The following ALPK1 variants were observed in gnomAD, a reference collection of about 807,000 sequenced individuals.
The protein encoded by ALPK1 is alpha-protein kinase 1.
Under a neutral mutation model 120.6 loss-of-function variants are expected in ALPK1, and 110 were observed. That is an observed-to-expected ratio of 0.91 (90% CI 0.78 to 1.07). The LOEUF (loss-of-function observed/expected upper bound fraction) is 1.07, where lower values mean the gene tolerates loss of function less well. Among genes scored for constraint, ALPK1 ranks in the 50% least tolerant of loss-of-function variants. ALPK1 has a pLI of 0.00. For missense variants in ALPK1, 1,498 were observed against 1,483.9 expected (o/e 1.01, Z -0.16); for synonymous variants, 582 against 560.3 (o/e 1.04, Z -0.55).
chr4:112,351,794 A>G (rs746258519), intron 2 of ALPK1, among the ~76,000 whole-genome samples: 1 of 152,212 alleles, frequency 6.6e-6, no homozygotes, highest in Non-Finnish European at 1.5e-5. Flanking sequence ...TTTTCTATGT[A>G]AATAGAATGA....
At chr4:112,381,285 G>A (rs1731893976) in intron 3 of ALPK1, among the ~76,000 whole-genome samples, 1 of 152,144 alleles carries the variant, frequency 6.6e-6, no homozygotes, top group Non-Finnish European at 1.5e-5. Context: ...CTGACTCCTG[G>A]GTTTCAGATT....
rs762292079 is a variant in ALPK1, at chr4:112,427,694, C to T, written c.795+29C>T. ...ATTATCATAACACTGAGTGGCATCA[C>T]CTGTAAAATTGTCAATCGTGTCCTT... On this transcript the variant is annotated intron_variant, in intron 9 of 15. Transcript: ENST00000650871. 7 of 1,518,458 alleles carry T rather than the reference C, an allele frequency of 4.6e-6. No homozygotes were observed. In the South Asian group the frequency reaches 6.8e-5, roughly 15 times the overall value. 94.1% of individuals were successfully genotyped at this position (1,518,458 alleles called of 1,614,324 possible). A position where few individuals can be genotyped will look rare whatever the true frequency, so the allele number is the denominator to read the frequency against.
At chr4:112,364,687 T>C (rs1731063191) in intron 2 of ALPK1, among the ~76,000 whole-genome samples, 2 of 152,046 alleles carry the variant, frequency 1.3e-5, no homozygotes, top group Non-Finnish European at 2.9e-5. Context: ...AAAGAGGGAA[T>C]CTTCCCTAAA....
At chr4:112,410,507 G>C (rs1456607396) in intron 4 of ALPK1, among the ~76,000 whole-genome samples, 1 of 152,230 alleles carries the variant, frequency 6.6e-6, no homozygotes, top group Non-Finnish European at 1.5e-5. Context: ...GGATTATGTG[G>C]TGATGAAAGC....
At chr4:112,438,725 A>G (rs1734897288) in intron 13 of ALPK1, 79 bp downstream of exon 13, 1 of 1,503,762 alleles carries the variant, frequency 6.6e-7, no homozygotes, top group Non-Finnish European at 9.1e-7. Flanking sequence ...CTGGTTCCAC[A>G]TAATCAGGCT....
intron 12 of ALPK1, among the ~76,000 whole-genome samples, chr4:112,436,224 A>T (rs1734782995): frequency 1.3e-5 from 2 of 152,224 alleles, no homozygotes; most frequent in Admixed American, 1.3e-4. Flanking sequence ...TAGTAAACAT[A>T]TGCCAGGTCC....
At chr4:112,401,433 A>C (rs1261822592) in intron 4 of ALPK1, among the ~76,000 whole-genome samples, 1 of 152,224 alleles carries the variant, frequency 6.6e-6, no homozygotes, top group African/African-American at 2.4e-5. Flanking sequence ...TGCAATGCTT[A>C]AATTGAGATT....
chr4:112,435,232 T>A lies in ALPK1; in HGVS notation c.3119T>A (p.Val1040Glu). 1 of 1,613,646 alleles carries A rather than the reference T, an allele frequency of 6.2e-7. No individual in the cohort carries two copies. The highest frequency in any genetic ancestry group is 8.5e-7 in the Non-Finnish European group (1 of 1,179,856). The stretch of plus-strand genomic sequence containing the variant: ...GTCTATTTGGGGGACTACTTGACTG[T>A]GAAGAAAAAAGGCAGACAAAGAAAT... ...TIVYLGDYLT[V>E]KKKGRQRNAF... The change falls in exon 12 of 16, where the codon GTG becomes GAG. Residue 1040 changes from valine (V) to glutamate (E), a missense_variant. Val to Glu is a moderately radical substitution (Grantham distance 121). Transcript: ENST00000650871.
At chr4:112,377,635 T>A in intron 2 of ALPK1, 43 bp from the exon 3 acceptor site, 1 of 757,730 alleles carries the variant, frequency 1.3e-6, no homozygotes, top group South Asian at 2.9e-5. Context: ...AGATAATTGA[T>A]GATGCTTCAG....
chr4:112,357,386 G>C, intron 2 of ALPK1: 1 of 695,870 alleles, frequency 1.4e-6, no homozygotes, highest in Non-Finnish European at 2.5e-6. Context: ...GGCCTATAAA[G>C]TGCACATCCA....
At chr4:112,420,287 TG>T (rs1157041471) in intron 5 of ALPK1, among the ~76,000 whole-genome samples, 3 of 152,222 alleles carry the variant, frequency 2.0e-5, no homozygotes, top group Non-Finnish European at 4.4e-5. Context: ...AGTGTTTTGG[TG>T]ATCATTTGCT....
Position 112,377,987 on chromosome 4 carries a change from AT to A in ALPK1, c.121+94del. ...AACGACACGTTCTTATCTCTGCCCT[AT>A]TTTTCTTCTCTTGGCAGATGACCAC... On this transcript the variant is annotated intron_variant, in intron 3 of 15. Coordinates refer to ENST00000650871, the MANE Select transcript of ALPK1 (RefSeq NM_025144.4). The A allele has an allele frequency of 2.9e-6, 4 of 1,362,894 alleles. No homozygotes were observed. The South Asian group carries it at 7.4e-5, about 25-fold the overall frequency. 84.4% of individuals were successfully genotyped at this position (1,362,894 alleles called of 1,614,324 possible). A position where few individuals can be genotyped will look rare whatever the true frequency, so the allele number is the denominator to read the frequency against.
chr4:112,356,431 C>T (rs1730616223), intron 2 of ALPK1: 2 of 916,350 alleles, frequency 2.2e-6, no homozygotes, highest in Admixed American at 3.4e-5. Context: ...GACCCCTTAG[C>T]TTGCTACACG....
chr4:112,357,245 A>T (rs1293746457), intron 2 of ALPK1: 1 of 1,458,838 alleles, frequency 6.9e-7, no homozygotes, highest in Non-Finnish European at 9.4e-7. Flanking sequence ...GGACCAGATC[A>T]TCCAGCATCT....
chr4:112,437,215 C>T (rs1734824044), intron 12 of ALPK1, among the ~76,000 whole-genome samples: 1 of 152,110 alleles, frequency 6.6e-6, no homozygotes, highest in Non-Finnish European at 1.5e-5. Flanking sequence ...TTCTTCATAG[C>T]AACAATGGAA....
rs1732382275 is a variant in ALPK1 at position 112,390,842 on chromosome 4, A to G, written c.276+8290A>G. On this transcript the variant is annotated intron_variant, in intron 4 of 15. Coordinates refer to ENST00000650871, the MANE Select transcript of ALPK1 (RefSeq NM_025144.4). Reference sequence around the variant, plus strand: ...GAAATGAAGTAATCACCTGAAGAAGATAATGCTATTTGTTGTGCATATTAT... The same window carrying G: ...GAAATGAAGTAATCACCTGAAGAAGGTAATGCTATTTGTTGTGCATATTAT... 2.0e-5 allele frequency among the ~76,000 whole-genome samples: 3 copies of G among 152,212 alleles called. 1 individual carries two copies. The East Asian group carries it at 5.8e-4, about 29-fold the overall frequency.
At chr4:112,412,161 TC>T in intron 5 of ALPK1, 136 bp downstream of exon 5, 1 of 1,009,558 alleles carries the variant, frequency 9.9e-7, no homozygotes, top group African/African-American at 1.8e-5. Context: ...GGGGCTCCCC[TC>T]CCCCGCCCCT....
At chr4:112,357,639 C>A in intron 2 of ALPK1, 1 of 1,608,348 alleles carries the variant, frequency 6.2e-7, no homozygotes, top group Non-Finnish European at 8.5e-7. Flanking sequence ...ACATCATCGA[C>A]AAGCACCAGA....
chr4:112,418,146 T>C (rs1206591757), intron 5 of ALPK1, among the ~76,000 whole-genome samples: 2 of 152,174 alleles, frequency 1.3e-5, no homozygotes, highest in Non-Finnish European at 2.9e-5. Context: ...CTCCTGGCCC[T>C]CATACCTACG....
Sources: gnomAD v4.1 joint callset for allele counts (sites outside exome capture counted in the v4.1 genomes callset) on GRCh38, gnomAD v4.1.1 for gene constraint, MANE v1.5 for transcripts, NCBI Gene and HGNC (gene_info 2026-07-23, HGNC 2026-07-21) for gene names.